The following TMEM106C variants were observed in gnomAD, a reference collection of about 807,000 sequenced individuals.
TMEM106C encodes endoplasmic reticulum membrane protein overexpressed in cancer.
A neutral mutation model predicts 30.8 loss-of-function variants in TMEM106C; 27 were observed. The observed-to-expected ratio is 0.88, with a 90% CI of 0.65 to 1.21. The LOEUF (loss-of-function observed/expected upper bound fraction) is 1.21. Among genes scored for constraint, TMEM106C ranks in the 50% most tolerant of loss-of-function variants. TMEM106C has a pLI of 0.00. For synonymous variants in TMEM106C, 123 were observed against 118.8 expected (o/e 1.04, Z -0.23); for missense variants, 288 against 307.8 (o/e 0.94, Z 0.48).
In TMEM106C at chr12:47,966,125, G is replaced by T; in HGVS notation, c.448G>T (p.Val150Leu). The T allele has an allele frequency of 6.2e-7, 1 of 1,614,194 alleles. No individual in the cohort carries two copies. The highest frequency in any genetic ancestry group is 8.5e-7 in the Non-Finnish European group (1 of 1,180,040). The change falls in exon 5 of 8, where the codon GTG becomes TTG. Residue 150 changes from valine (V) to leucine (L), a missense_variant. Val to Leu is a conservative substitution (Grantham distance 32). Coordinates refer to ENST00000429772, the MANE Select transcript of TMEM106C (RefSeq NM_001143842.2). The part of the protein sequence containing the change: ...LKIRNSNFYT[V>L]AVTSLSSQIQ... ...AATCAGGAACTCCAACTTCTACACG[G>T]TGGCAGTGACCAGCCTGTCCAGCCA...
In TMEM106C at chr12:47,968,127, C is replaced by A. The variant is rs12306869; in HGVS notation, c.657-6C>A. The A allele has an allele frequency of 1.9e-3, 3,083 of 1,607,668 alleles. 65 individuals are homozygous for A. The African/African-American group carries it at 0.036, about 19-fold the overall frequency. ...AATTAATTCTTCTTGGTTTTCTTTT[C>A]CCTAGAACTTCAGTGAAGATTTCAT... On this transcript the variant is annotated splice_region_variant and splice_polypyrimidine_tract_variant and intron_variant, in intron 7 of 7. Coordinates refer to ENST00000429772, the MANE Select transcript of TMEM106C (RefSeq NM_001143842.2).
intron 7 of TMEM106C, 37 bp from the exon 8 acceptor site, chr12:47,968,095 CA>C: frequency 6.4e-7 from 1 of 1,563,852 alleles, no homozygotes; most frequent in Non-Finnish European, 8.8e-7. Context: ...TTTCATCCCC[CA>C]AACATAATTA....
chr12:47,966,235 C>T lies in TMEM106C; in HGVS notation c.552+6C>T, dbSNP rs1006178731. 1.2e-6 allele frequency: 2 copies of T among 1,613,642 alleles called. No homozygotes were observed. The highest frequency in any genetic ancestry group is 3.3e-5 in the Admixed American group (2 of 60,014). ...CACCTCGGAGTGAGCAACTGGTATGCTGTTCTTTTAGGAATCTTGCCCCAC... is the reference window on the plus strand; with the variant it reads ...CACCTCGGAGTGAGCAACTGGTATGTTGTTCTTTTAGGAATCTTGCCCCAC... On this transcript the variant is annotated splice_donor_region_variant and intron_variant, in intron 5 of 7. Transcript: ENST00000429772.
chr12:47,966,166 C>T lies in TMEM106C; in HGVS notation c.489C>T (p.Asn163=), dbSNP rs765374556. 5 of 1,614,208 alleles carry T rather than the reference C, an allele frequency of 3.1e-6. No individual in the cohort carries two copies. In the East Asian group the frequency reaches 6.7e-5, roughly 22 times the overall value. Residue 163 remains asparagine, a synonymous_variant, in exon 5 of 8, where the codon AAC becomes AAT. Coordinates refer to ENST00000429772, the MANE Select transcript of TMEM106C (RefSeq NM_001143842.2). ...TGTCCAGCCAGATTCAGTACATGAA[C>T]ACAGTGGTCAGTACATATGTGACTA... ...TSLSSQIQYM[N]TVVSTYVTTN...
intron 1 of TMEM106C, chr12:47,963,984 G>T: frequency 1.9e-6 from 1 of 532,096 alleles, no homozygotes; most frequent in Non-Finnish European, 3.4e-6. Context: ...GTGAAAGGCA[G>T]GCCCCGTTCC....
Position 47,965,350 on chromosome 12 carries a change from G to A in TMEM106C, c.251+5G>A. The A allele has an allele frequency of 6.2e-7, 1 of 1,613,762 alleles. No individual in the cohort carries two copies. Among genetic ancestry groups the A allele is most frequent in the Non-Finnish European group, 8.5e-7 (1 of 1,179,672 alleles). ...GAGATTGCGCCCTCAGCGAACGTGAGTTACCTGCTTCTCACCTGTTAATAC... is the reference window on the plus strand; with the variant it reads ...GAGATTGCGCCCTCAGCGAACGTGAATTACCTGCTTCTCACCTGTTAATAC... On this transcript the variant is annotated splice_donor_5th_base_variant and intron_variant, in intron 3 of 7. Coordinates refer to ENST00000429772, the MANE Select transcript of TMEM106C (RefSeq NM_001143842.2).
At chr12:47,967,412 G>T (rs1938275557) in intron 7 of TMEM106C, 151 bp downstream of exon 7, 1 of 756,770 alleles carries the variant, frequency 1.3e-6, no homozygotes, top group Non-Finnish European at 2.3e-6. Context: ...GACCCTTGGT[G>T]TTCTCTAAAC....
chr12:47,968,658 AAG>A lies in TMEM106C; in HGVS notation c.*433_*434del, dbSNP rs146261194. 0.034 allele frequency: 7,784 copies of A among 230,576 alleles called. 493 individuals are homozygous for A. Among genetic ancestry groups the A allele is most frequent in the African/African-American group, 0.14 (5,988 of 43,476 alleles). The allele number at this position is 230,576 out of a possible 1,614,324, so 14.3% of individuals were successfully genotyped here. A position where few individuals can be genotyped will look rare whatever the true frequency, so the allele number is the denominator to read the frequency against. Reference sequence around the variant, plus strand: ...GCAGAGAGGGACCATCCAAATACCTAAGAGAAAACAGACCTAGTCAGGATATG... The same window carrying A: ...GCAGAGAGGGACCATCCAAATACCTAAGAAAACAGACCTAGTCAGGATATG... On this transcript the variant is annotated 3_prime_UTR_variant, in exon 8 of 8. Coordinates refer to ENST00000429772, the MANE Select transcript of TMEM106C (RefSeq NM_001143842.2).
intron 5 of TMEM106C, 187 bp downstream of exon 5, chr12:47,966,416 C>A: frequency 1.4e-6 from 1 of 737,264 alleles, no homozygotes; most frequent in Non-Finnish European, 2.2e-6. Context: ...ATCATTTAAG[C>A]ATTTGGGGAG....
At chr12:47,967,606 A>G (rs1938283713) in intron 7 of TMEM106C, among the ~76,000 whole-genome samples, 1 of 152,208 alleles carries the variant, frequency 6.6e-6, no homozygotes. Context: ...CTCTCTAGCC[A>G]CACAAATTAC....
In TMEM106C at chr12:47,964,523, T is replaced by C. The variant is rs904517780; in HGVS notation, c.187+100T>C. 1.6e-5 allele frequency: 18 copies of C among 1,108,328 alleles called. No individual in the cohort carries two copies. In the African/African-American group the frequency reaches 2.0e-4, roughly 12 times the overall value. 68.7% of individuals were successfully genotyped at this position (1,108,328 alleles called of 1,614,324 possible). ...TTTCTTCTAGGCAGTAATACCATAATAGAGACAGTGCCCTGGACAGGAGCC... is the reference window on the plus strand; with the variant it reads ...TTTCTTCTAGGCAGTAATACCATAACAGAGACAGTGCCCTGGACAGGAGCC... On this transcript the variant is annotated intron_variant, in intron 2 of 7. Coordinates refer to ENST00000429772, the MANE Select transcript of TMEM106C (RefSeq NM_001143842.2).
At chr12:47,964,816 T>C (rs1018521553) in intron 2 of TMEM106C, 2 of 302,292 alleles carry the variant, frequency 6.6e-6, no homozygotes, top group South Asian at 3.6e-5. Context: ...CAGAAAAATA[T>C]ATCAGGTCAA....
intron 2 of TMEM106C, among the ~76,000 whole-genome samples, chr12:47,965,011 C>G (rs12721420): frequency 6.6e-6 from 1 of 152,092 alleles, no homozygotes; most frequent in African/African-American, 2.4e-5. Flanking sequence ...TTGAGAGATT[C>G]GACGACTCTG....
Position 47,966,625 on chromosome 12 carries a change from A to G in TMEM106C, c.553-58A>G, listed in dbSNP as rs1938230688. ...CAAGGTCTTTGGATTGCTAATAATA[A>G]TACTGTTCTGTGTCAAGCCTGCTTG... On this transcript the variant is annotated intron_variant, in intron 5 of 7. Coordinates refer to ENST00000429772, the MANE Select transcript of TMEM106C (RefSeq NM_001143842.2). 3 of 1,575,838 alleles carry G rather than the reference A, an allele frequency of 1.9e-6. No individual in the cohort carries two copies. In the East Asian group the frequency reaches 6.7e-5, roughly 35 times the overall value.
rs929465300 is a variant in TMEM106C, at chr12:47,968,777, T to C, written c.*548T>C. Reference sequence around the variant, plus strand: ...TTTTTTTTTTTTAGAAAGTTAGAATTGTTTTTACCAAGAGTCTATGTGGGG... The same window carrying C: ...TTTTTTTTTTTTAGAAAGTTAGAATCGTTTTTACCAAGAGTCTATGTGGGG... On this transcript the variant is annotated 3_prime_UTR_variant, in exon 8 of 8. Coordinates refer to ENST00000429772, the MANE Select transcript of TMEM106C (RefSeq NM_001143842.2). 1 of 165,812 alleles carries C rather than the reference T, an allele frequency of 6.0e-6. No homozygotes were observed. Among genetic ancestry groups the C allele is most frequent in the Non-Finnish European group, 1.3e-5 (1 of 76,486 alleles). 10.3% of individuals were successfully genotyped at this position (165,812 alleles called of 1,614,324 possible).
intron 3 of TMEM106C, 33 bp downstream of exon 3, chr12:47,965,378 A>C (rs1369055381): frequency 6.3e-7 from 1 of 1,581,636 alleles, no homozygotes; most frequent in Admixed American, 1.7e-5. Flanking sequence ...GTTAATACCT[A>C]CTTCTGTCCC....
Position 47,968,608 on chromosome 12 carries a change from G to C in TMEM106C, c.*379G>C. On this transcript the variant is annotated 3_prime_UTR_variant, in exon 8 of 8. Coordinates refer to ENST00000429772, the MANE Select transcript of TMEM106C (RefSeq NM_001143842.2). The stretch of plus-strand genomic sequence containing the variant: ...GTGAGTGACCTGCAGGCCATTATCA[G>C]TGCCTCATCTGTGCAGAAGTGGCAG... 2.9e-6 allele frequency: 1 copy of C among 350,066 alleles called. No homozygotes were observed. Among genetic ancestry groups the C allele is most frequent in the Non-Finnish European group, 5.6e-6 (1 of 178,532 alleles). 21.7% of individuals were successfully genotyped at this position (350,066 alleles called of 1,614,324 possible).
chr12:47,967,145 C>A, intron 6 of TMEM106C, 63 bp from the exon 7 acceptor site: 4 of 1,545,162 alleles, frequency 2.6e-6, no homozygotes, highest in Non-Finnish European at 2.7e-6. Flanking sequence ...TGTAACTCTG[C>A]ACTCTTCTAC....
chr12:47,964,603 A>G (rs1055622253), intron 2 of TMEM106C, 180 bp downstream of exon 2: 1 of 604,118 alleles, frequency 1.7e-6, no homozygotes, highest in Non-Finnish European at 2.9e-6. Context: ...TCCTCTCCTT[A>G]TTTTTCCAAC....
Sources: allele counts gnomAD v4.1 joint callset (sites outside exome capture counted in the v4.1 genomes callset), GRCh38; gene constraint gnomAD v4.1.1; transcripts MANE v1.5; gene names NCBI Gene and HGNC (gene_info 2026-07-23, HGNC 2026-07-21).